Variants in DNAH8 observed in about 807,000 individuals in gnomAD.
DNAH8 encodes the protein axonemal beta dynein heavy chain 8.
A neutral mutation model predicts 562.1 loss-of-function variants in DNAH8; 382 were observed. That is an observed-to-expected ratio of 0.68 (90% CI 0.63 to 0.74). The LOEUF (loss-of-function observed/expected upper bound fraction) is 0.74, where lower values mean the gene tolerates loss of function less well. Among genes scored for constraint, DNAH8 ranks in the 30% least tolerant of loss-of-function variants. The probability of loss-of-function intolerance (pLI) is 0.00; values close to 1 mark genes in which losing one functional copy is unlikely to be tolerated. For missense variants in DNAH8, 5,203 were observed against 5,620.4 expected (o/e 0.93, Z 2.37); for synonymous variants, 1,881 against 1,919.4 (o/e 0.98, Z 0.52).
intron 57 of DNAH8, among the ~76,000 whole-genome samples, chr6:38,888,100 A>G (rs1779086961): frequency 6.6e-6 from 1 of 151,998 alleles, no homozygotes; most frequent in Non-Finnish European, 1.5e-5. Flanking sequence ...CGGGCTCCCA[A>G]AGTGCTGGGA....
At chr6:38,849,523 C>A (rs138205951) in intron 37 of DNAH8, among the ~76,000 whole-genome samples, 58 of 150,310 alleles carry the variant, frequency 3.9e-4, no homozygotes, top group African/African-American at 1.4e-3. Flanking sequence ...TATTTACAAG[C>A]AAGATCTATA....
chr6:38,892,166 C>T (rs1779380877), intron 58 of DNAH8, among the ~76,000 whole-genome samples: 1 of 152,120 alleles, frequency 6.6e-6, no homozygotes, highest in African/African-American at 2.4e-5. Context: ...TGCACCTGGT[C>T]TCGATGCCAG....
chr6:38,896,602 C>G (rs75351853), intron 60 of DNAH8, among the ~76,000 whole-genome samples: 1 of 148,664 alleles, frequency 6.7e-6, no homozygotes, highest in Non-Finnish European at 1.5e-5. Context: ...AACAAACAAA[C>G]AAACAAAAAA....
chr6:38,752,729 T>C (rs924048315), intron 9 of DNAH8, among the ~76,000 whole-genome samples: 3 of 152,042 alleles, frequency 2.0e-5, no homozygotes, highest in African/African-American at 7.2e-5. Context: ...AGAAGTTTAA[T>C]ATGAAAGGGG....
chr6:38,812,091 C>A (rs1244992286), intron 24 of DNAH8, among the ~76,000 whole-genome samples: 1 of 152,130 alleles, frequency 6.6e-6, no homozygotes, highest in Non-Finnish European at 1.5e-5. Context: ...GGGAGAGCAT[C>A]ATCTTAGTTT....
chr6:38,842,769 A>C lies in DNAH8; in HGVS notation c.4711A>C (p.Asn1571His). 1 of 1,614,004 alleles carries C rather than the reference A, an allele frequency of 6.2e-7. No homozygotes were observed. Among genetic ancestry groups the C allele is most frequent in the Non-Finnish European group, 8.5e-7 (1 of 1,179,920 alleles). The change falls in exon 35 of 93, where the codon AAT (asparagine) becomes CAT (histidine). Residue 1571 changes from asparagine to histidine, a missense_variant. Physicochemically the swap from Asn to His is moderately conservative, Grantham distance 68. Around this residue, in one of 6 missense-constraint regions of DNAH8, gnomAD observed 2,176 missense variants for 2,365.1 expected, o/e 0.92. Coordinates refer to ENST00000327475, the MANE Select transcript of DNAH8 (RefSeq NM_001206927.2). ...ESCPLLEMMTNKAMKQRHWDR... is the reference protein window; with the variant it reads ...ESCPLLEMMTHKAMKQRHWDR... ...ATGTCCTCTACTGGAAATGATGACCAATAAGGCCATGAAACAGAGACACTG... is the reference window on the plus strand; with the variant it reads ...ATGTCCTCTACTGGAAATGATGACCCATAAGGCCATGAAACAGAGACACTG...
intron 9 of DNAH8, among the ~76,000 whole-genome samples, chr6:38,752,537 A>C (rs1765556761): frequency 6.6e-6 from 1 of 152,136 alleles, no homozygotes; most frequent in African/African-American, 2.4e-5. Context: ...GAAGTAGTCA[A>C]ATCTTCCATA....
chr6:38,935,083 T>C (rs1782842324), intron 76 of DNAH8, among the ~76,000 whole-genome samples: 1 of 152,008 alleles, frequency 6.6e-6, no homozygotes, highest in South Asian at 2.1e-4. Context: ...AAATGGAAAA[T>C]GGGTTTGTAT....
chr6:38,951,260 G>C, intron 81 of DNAH8, 58 bp from the exon 82 acceptor site: 1 of 1,450,504 alleles, frequency 6.9e-7, no homozygotes, highest in Non-Finnish European at 9.7e-7. Context: ...TACTTACTCA[G>C]ATAGGATAAA....
intron 86 of DNAH8, among the ~76,000 whole-genome samples, chr6:38,983,249 A>G (rs764429626): frequency 2.0e-5 from 3 of 152,212 alleles, no homozygotes; most frequent in Non-Finnish European, 4.4e-5. Context: ...ACAGTACCTA[A>G]TAAGAGCTCA....
chr6:38,894,734 T>C lies in DNAH8; in HGVS notation c.8617T>C (p.Tyr2873His), dbSNP rs1179670836. 1.9e-6 allele frequency: 3 copies of C among 1,614,046 alleles called. No individual in the cohort carries two copies. The highest frequency in any genetic ancestry group is 1.7e-5 in the Admixed American group (1 of 60,020). Residue 2873 changes from tyrosine to histidine, a missense_variant, in exon 59 of 93, where the codon TAC becomes CAC. Coordinates refer to ENST00000327475, the MANE Select transcript of DNAH8 (RefSeq NM_001206927.2). The stretch of plus-strand genomic sequence containing the variant: ...GCTGCCAACTCCTTCTAAATTTCAT[T>C]ACATCTTCAATCTTCGAGATCTTTC... ...KMLPTPSKFH[Y>H]IFNLRDLSRI...
chr6:38,879,756 A>G (rs1001075685), intron 53 of DNAH8, among the ~76,000 whole-genome samples: 2 of 152,296 alleles, frequency 1.3e-5, no homozygotes, highest in East Asian at 1.9e-4. Context: ...TAGATTAGAA[A>G]AGAACAAGTA....
intron 3 of DNAH8, among the ~76,000 whole-genome samples, chr6:38,729,048 C>T (rs776733166): frequency 6.6e-6 from 1 of 152,176 alleles, no homozygotes; most frequent in South Asian, 2.1e-4. Context: ...ACTAAAAATA[C>T]AAAAATTAGC....
At chr6:38,951,624 C>A in intron 82 of DNAH8, 104 bp downstream of exon 82, 3 of 993,202 alleles carry the variant, frequency 3.0e-6, no homozygotes, top group Non-Finnish European at 3.1e-6. Flanking sequence ...AGATGTAAAA[C>A]TGAATTCGAA....
At chr6:38,787,440 G>A (rs1302334058) in intron 18 of DNAH8, among the ~76,000 whole-genome samples, 2 of 152,038 alleles carry the variant, frequency 1.3e-5, no homozygotes, top group Non-Finnish European at 2.9e-5. Flanking sequence ...ACATTAACAT[G>A]TACTGCCGGG....
chr6:38,817,468 A>G (rs1772389134), intron 26 of DNAH8, among the ~76,000 whole-genome samples: 1 of 152,166 alleles, frequency 6.6e-6, no homozygotes, highest in South Asian at 2.1e-4. Flanking sequence ...CTGTGGTCTC[A>G]TGGGGTGTTC....
In DNAH8 at chr6:38,951,321, T is replaced by A; in HGVS notation, c.12252T>A (p.Ser4084=). 1 of 1,614,118 alleles carries A rather than the reference T, an allele frequency of 6.2e-7. No individual in the cohort carries two copies. The highest frequency in any genetic ancestry group is 8.5e-7 in the Non-Finnish European group (1 of 1,179,954). The part of the protein sequence containing the change: ...DTCHKLLLIR[S]WCPDRTVFQA... ...CCTAACTTGTATTCATTTTTAGGTC[T>A]TGGTGCCCAGACCGTACTGTTTTTC... Residue 4084 remains serine (S), a synonymous_variant, in exon 82 of 93, where the codon TCT becomes TCA. Transcript: ENST00000327475.
At chr6:38,836,473 A>C (rs1341254905) in intron 32 of DNAH8, among the ~76,000 whole-genome samples, 1 of 150,804 alleles carries the variant, frequency 6.6e-6, no homozygotes, top group Admixed American at 6.7e-5. Context: ...CAACAACAAC[A>C]AAAAAACCCA....
In DNAH8 at chr6:39,030,467, T is replaced by C. The variant is rs1767602004; in HGVS notation, c.*75T>C. 7.6e-7 allele frequency: 1 copy of C among 1,315,696 alleles called. No individual in the cohort carries two copies. The highest frequency in any genetic ancestry group is 1.5e-5 in the African/African-American group (1 of 68,220). The allele number at this position is 1,315,696 out of a possible 1,614,324, so 81.5% of individuals were successfully genotyped here. A position where few individuals can be genotyped will look rare whatever the true frequency, so the allele number is the denominator to read the frequency against. The stretch of plus-strand genomic sequence containing the variant: ...CTATTGAGGGACTCAGTGATGTGTG[T>C]GTCTTTTCTCCCCAGTAATTCCTTA... On this transcript the variant is annotated 3_prime_UTR_variant, in exon 93 of 93. Coordinates refer to ENST00000327475, the MANE Select transcript of DNAH8 (RefSeq NM_001206927.2).
Sources: allele counts gnomAD v4.1 joint callset (sites outside exome capture counted in the v4.1 genomes callset), GRCh38; gene constraint gnomAD v4.1.1; regional missense constraint gnomAD v4.1.1; transcripts MANE v1.5; gene names NCBI Gene and HGNC (gene_info 2026-07-23, HGNC 2026-07-21).